Variants in THADA observed in about 807,000 individuals in gnomAD.
The protein encoded by THADA is tRNA (32-2'-O)-methyltransferase regulator THADA.
Under a neutral mutation model 219.8 loss-of-function variants are expected in THADA, and 213 were observed. That is an observed-to-expected ratio of 0.97 (90% CI 0.87 to 1.09). THADA has a LOEUF of 1.09. Ranked by LOEUF, THADA falls within the 50% of genes least tolerant of loss-of-function variation. The pLI is 0.00. For synonymous variants in THADA, 1,018 were observed against 828.9 expected (o/e 1.23, Z -3.92); for missense variants, 2,956 against 2,311.3 (o/e 1.28, Z -5.72).
chr2:43,546,180 G>A (rs1242057233), intron 20 of THADA, among the ~76,000 whole-genome samples: 2 of 151,376 alleles, frequency 1.3e-5, no homozygotes, highest in Admixed American at 6.6e-5. Flanking sequence ...GTAGTTGAGT[G>A]GTTTTGAGTT....
intron 36 of THADA, among the ~76,000 whole-genome samples, chr2:43,256,609 A>G (rs1328115139): frequency 6.9e-6 from 1 of 143,982 alleles, no homozygotes; most frequent in Non-Finnish European, 1.5e-5. Flanking sequence ...AAATAAATAA[A>G]TAATTTTTTT....
intron 11 of THADA, among the ~76,000 whole-genome samples, chr2:43,573,975 T>G (rs1202418719): frequency 6.6e-6 from 1 of 152,228 alleles, no homozygotes; most frequent in Non-Finnish European, 1.5e-5. Flanking sequence ...CCTAACACAA[T>G]TTTTAATTAT....
intron 22 of THADA, among the ~76,000 whole-genome samples, chr2:43,510,987 A>G (rs919659099): frequency 6.8e-6 from 1 of 146,428 alleles, no homozygotes; most frequent in East Asian, 1.9e-4. Context: ...AACTAAAAAA[A>G]TTTAAAAAAA....
At chr2:43,259,213 T>G (rs1229027998) in intron 36 of THADA, among the ~76,000 whole-genome samples, 2 of 152,164 alleles carry the variant, frequency 1.3e-5, no homozygotes, top group East Asian at 3.8e-4. Context: ...GTGATACTGA[T>G]AGGGGTCACT....
chr2:43,552,119 C>G, intron 18 of THADA, 85 bp downstream of exon 18: 1 of 1,536,006 alleles, frequency 6.5e-7, no homozygotes, highest in South Asian at 1.3e-5. Flanking sequence ...GACTGCATTC[C>G]TTTCCCAGGA....
chr2:43,522,609 G>C (rs914420647), intron 22 of THADA, among the ~76,000 whole-genome samples: 2 of 152,118 alleles, frequency 1.3e-5, no homozygotes, highest in African/African-American at 4.8e-5. Flanking sequence ...TGAGAACAAA[G>C]TCCCTCTGCT....
intron 36 of THADA, among the ~76,000 whole-genome samples, chr2:43,248,194 GA>G (rs1669429619): frequency 1.5e-5 from 2 of 132,198 alleles, no homozygotes; most frequent in South Asian, 2.4e-4. Context: ...GAGAGAGAGA[GA>G]GAGAGAGAGA....
intron 3 of THADA, 72 bp from the exon 4 acceptor site, chr2:43,591,026 T>G: frequency 1.4e-6 from 2 of 1,452,240 alleles, no homozygotes; most frequent in Non-Finnish European, 1.9e-6. Context: ...CAGATACTCT[T>G]TGAAGTCTCA....
chr2:43,586,311 T>G (rs1701022106), intron 7 of THADA, 90 bp downstream of exon 7: 1 of 1,079,800 alleles, frequency 9.3e-7, no homozygotes, highest in Non-Finnish European at 1.3e-6. Context: ...GATGAAAAGA[T>G]CACATTCTGA....
At chr2:43,410,531 C>T (rs1676150988) in intron 28 of THADA, among the ~76,000 whole-genome samples, 1 of 152,160 alleles carries the variant, frequency 6.6e-6, no homozygotes, top group Non-Finnish European at 1.5e-5. Flanking sequence ...TATATCCATA[C>T]AATCGAATAC....
chr2:43,564,009 T>C (rs909444619), intron 15 of THADA: 5 of 152,242 alleles, frequency 3.3e-5, no homozygotes, highest in Non-Finnish European at 5.9e-5. Flanking sequence ...TTAAAGTACA[T>C]TTAAATGTAT....
intron 21 of THADA, among the ~76,000 whole-genome samples, chr2:43,537,218 T>C (rs1694723191): frequency 6.6e-6 from 1 of 152,264 alleles, no homozygotes; most frequent in Non-Finnish European, 1.5e-5. Flanking sequence ...TACCAGAATG[T>C]TTATTCTTTG....
chr2:43,549,080 T>G (rs1196312102), intron 20 of THADA, 130 bp downstream of exon 20: 1 of 922,756 alleles, frequency 1.1e-6, no homozygotes, highest in Non-Finnish European at 1.5e-6. Context: ...ACAAAATTTT[T>G]AAAAAACTTT....
intron 25 of THADA, among the ~76,000 whole-genome samples, chr2:43,497,192 T>C (rs1688370941): frequency 6.6e-6 from 1 of 152,206 alleles, no homozygotes; most frequent in Admixed American, 6.5e-5. Context: ...ACTGGATATA[T>C]ACCCAAAGGA....
intron 31 of THADA, among the ~76,000 whole-genome samples, chr2:43,307,442 G>C (rs920566155): frequency 1.3e-5 from 2 of 152,256 alleles, no homozygotes; most frequent in Non-Finnish European, 1.5e-5. Context: ...GTGAAACTCT[G>C]AAAGGCTAGA....
At position 43,279,851 on chromosome 2, in the gene THADA, A is replaced by C; in HGVS notation, c.5210T>G (p.Leu1737Arg). 6.4e-7 allele frequency: 1 copy of C among 1,571,122 alleles called. No individual in the cohort carries two copies. Among genetic ancestry groups the C allele is most frequent in the African/African-American group, 1.3e-5 (1 of 74,148 alleles). ...LALWKCVLTL[L>R]QSEEQAVRDA... Reference sequence around the variant, plus strand: ...TCTAACAGCTTGCTCCTCACTCTGCAGAAGGGTAAGGACACACTTCCAGAG... The same window carrying C: ...TCTAACAGCTTGCTCCTCACTCTGCCGAAGGGTAAGGACACACTTCCAGAG... The change falls in exon 36 of 38, where the codon CTG (leucine) becomes CGG (arginine). Residue 1737 changes from leucine (L) to arginine (R), a missense_variant. Transcript: ENST00000405975.
intron 31 of THADA, among the ~76,000 whole-genome samples, chr2:43,309,120 C>T (rs531837918): frequency 1.6e-4 from 24 of 152,252 alleles, no homozygotes; most frequent in Middle Eastern, 3.4e-3. Context: ...CCCAGTAAGA[C>T]AAACAACTCG....
chr2:43,407,649 C>A (rs185740706), intron 28 of THADA, among the ~76,000 whole-genome samples: 1 of 152,156 alleles, frequency 6.6e-6, no homozygotes, highest in African/African-American at 2.4e-5. Flanking sequence ...TGACAATAAT[C>A]TGTTACATTT....
Position 43,310,905 on chromosome 2 carries a change from G to T in THADA, c.4438+9541C>A, listed in dbSNP as rs147829320. Among the ~76,000 whole-genome samples the T allele has an allele frequency of 4.6e-3, 694 of 152,306 alleles. 2 individuals are homozygous for T. The highest frequency in any genetic ancestry group is 0.016 in the African/African-American group (663 of 41,564). ...AAAGAGAAATAACTCGGCTGGGCGC[G>T]GTGGCTCACGCCTGTAATCCCAGCA... On this transcript the variant is annotated intron_variant, in intron 31 of 37. Coordinates refer to ENST00000405975, the MANE Select transcript of THADA (RefSeq NM_022065.5).
Sources: gnomAD v4.1 joint callset for allele counts (sites outside exome capture counted in the v4.1 genomes callset) on GRCh38, gnomAD v4.1.1 for gene constraint, MANE v1.5 for transcripts, NCBI Gene and HGNC (gene_info 2026-07-23, HGNC 2026-07-21) for gene names.